GALNTL6: variants seen among roughly 807,000 people sequenced by gnomAD.
The protein encoded by GALNTL6 is polypeptide N-acetylgalactosaminyltransferase-like 6.
In GALNTL6, 46 loss-of-function variants were observed where a neutral mutation model predicts 73.7. That is an observed-to-expected ratio of 0.62 (90% CI 0.49 to 0.80). The LOEUF (loss-of-function observed/expected upper bound fraction) is 0.80, where lower values mean the gene tolerates loss of function less well. Among genes scored for constraint, GALNTL6 ranks in the 30% least tolerant of loss-of-function variants. GALNTL6 has a pLI of 0.00. For synonymous variants in GALNTL6, 259 were observed against 263.7 expected (o/e 0.98, Z 0.17); for missense variants, 604 against 755.0 (o/e 0.80, Z 2.34).
intron 12 of GALNTL6, among the ~76,000 whole-genome samples, chr4:173,034,373 A>G (rs1317104242): frequency 6.6e-6 from 1 of 152,130 alleles, no homozygotes; most frequent in Non-Finnish European, 1.5e-5. Context: ...GTCAATCCTT[A>G]GCACTGTACC....
intron 5 of GALNTL6, among the ~76,000 whole-genome samples, chr4:172,544,393 T>C (rs577111088): frequency 9.9e-5 from 15 of 152,266 alleles, no homozygotes; most frequent in African/African-American, 3.4e-4. Flanking sequence ...TCTTTGACTC[T>C]CCCAATCCAA....
At chr4:173,030,577 T>C (rs1753414332) in intron 12 of GALNTL6, among the ~76,000 whole-genome samples, 1 of 151,812 alleles carries the variant, frequency 6.6e-6, no homozygotes. Context: ...AAAATCAAAT[T>C]AGTGTTTGTT....
At chr4:171,906,045 A>G (rs1308962078) in intron 2 of GALNTL6, among the ~76,000 whole-genome samples, 1 of 152,160 alleles carries the variant, frequency 6.6e-6, no homozygotes, top group African/African-American at 2.4e-5. Context: ...AAAGCAGGAA[A>G]GATCTAAAAT....
At chr4:172,738,319 C>T (rs927820519) in intron 5 of GALNTL6, among the ~76,000 whole-genome samples, 2 of 152,160 alleles carry the variant, frequency 1.3e-5, no homozygotes, top group African/African-American at 4.8e-5. Context: ...CACTTCTCCG[C>T]ATCCCCAGAA....
At chr4:171,920,704 A>G (rs1737760175) in intron 2 of GALNTL6, among the ~76,000 whole-genome samples, 1 of 152,190 alleles carries the variant, frequency 6.6e-6, no homozygotes, top group African/African-American at 2.4e-5. Flanking sequence ...AATGATCGAT[A>G]CAAATACATA....
At chr4:172,417,676 T>A (rs541015718) in intron 5 of GALNTL6, among the ~76,000 whole-genome samples, 1 of 152,074 alleles carries the variant, frequency 6.6e-6, no homozygotes, top group Non-Finnish European at 1.5e-5. Context: ...AATTAAAATT[T>A]AAATTGAAAA....
At position 172,311,666 on chromosome 4, in the gene GALNTL6, C is replaced by G. The variant is rs758315763; in HGVS notation, c.300C>G (p.Asp100Glu). 1.9e-6 allele frequency: 3 copies of G among 1,612,010 alleles called. No homozygotes were observed. The highest frequency in any genetic ancestry group is 4.5e-5 in the East Asian group (2 of 44,798). Reference protein sequence around the residue: ...PYPLTEEDHDDSAYRENGFNI... With the variant: ...PYPLTEEDHDESAYRENGFNI... ...CCCTTACTGAAGAGGACCATGATGA[C>G]TCAGCTTACAGGGAAAATGGTTTTA... is the stretch of plus-strand genomic sequence containing the variant. Residue 100 changes from aspartate (D) to glutamate (E), a missense_variant, in exon 4 of 13, where the codon GAC becomes GAG. By Grantham distance (45) the Asp-to-Glu change is conservative. Coordinates refer to ENST00000506823, the MANE Select transcript of GALNTL6 (RefSeq NM_001034845.3).
rs564488253 is a variant in GALNTL6 at position 172,019,341 on chromosome 4, AT to A, written c.138+204630del. Among the ~76,000 whole-genome samples the A allele has an allele frequency of 6.2e-4, 94 of 152,088 alleles. 1 individual carries two copies. The highest frequency in any genetic ancestry group is 1.1e-3 in the Non-Finnish European group (76 of 67,958). On this transcript the variant is annotated intron_variant, in intron 2 of 12. Transcript: ENST00000506823. ...TGTCCATTTTAAAGAATCATGTTAGATTTTTTTCCATAGAGTGATTTGATCT... is the reference window on the plus strand; with the variant it reads ...TGTCCATTTTAAAGAATCATGTTAGATTTTTTCCATAGAGTGATTTGATCT...
intron 2 of GALNTL6, among the ~76,000 whole-genome samples, chr4:172,176,199 G>T (rs1392940487): frequency 6.6e-6 from 1 of 151,486 alleles, no homozygotes; most frequent in Admixed American, 6.6e-5. Flanking sequence ...AATTAGCCGG[G>T]CGAGGTGGCG....
intron 5 of GALNTL6, among the ~76,000 whole-genome samples, chr4:172,385,938 G>A (rs2111292969): frequency 6.6e-6 from 1 of 151,778 alleles, no homozygotes; most frequent in Non-Finnish European, 1.5e-5. Flanking sequence ...TTTTTCTAAA[G>A]ATTATAGTAG....
At position 172,894,587 on chromosome 4, in the gene GALNTL6, C is replaced by T. The variant is rs541449081; in HGVS notation, c.1041+11680C>T. 1.5e-3 allele frequency among the ~76,000 whole-genome samples: 225 copies of T among 152,178 alleles called. 1 individual carries two copies. The highest frequency in any genetic ancestry group is 2.3e-3 in the South Asian group (11 of 4,826). On this transcript the variant is annotated intron_variant, in intron 8 of 12. Coordinates refer to ENST00000506823, the MANE Select transcript of GALNTL6 (RefSeq NM_001034845.3). ...TTTTAATTTGTTGAGACTTGTTTTGCGGCCTAACATATAGTTTATTCTGGA... is the reference window on the plus strand; with the variant it reads ...TTTTAATTTGTTGAGACTTGTTTTGTGGCCTAACATATAGTTTATTCTGGA...
At chr4:173,036,425 G>A (rs543919063) in intron 12 of GALNTL6, among the ~76,000 whole-genome samples, 22 of 152,170 alleles carry the variant, frequency 1.4e-4, no homozygotes, top group African/African-American at 5.3e-4. Context: ...TCAAGTCCAC[G>A]GGCCTGCTAC....
chr4:172,941,841 G>A (rs949368063), intron 9 of GALNTL6, among the ~76,000 whole-genome samples: 3 of 152,206 alleles, frequency 2.0e-5, no homozygotes, highest in African/African-American at 7.2e-5. Context: ...CCACGTCTAA[G>A]CCATGGGAGC....
chr4:172,084,587 G>A (rs887628283), intron 2 of GALNTL6, among the ~76,000 whole-genome samples: 1 of 152,172 alleles, frequency 6.6e-6, no homozygotes, highest in Non-Finnish European at 1.5e-5. Flanking sequence ...AACTGTGGGT[G>A]AATTTATAAT....
intron 5 of GALNTL6, among the ~76,000 whole-genome samples, chr4:172,431,693 A>G (rs1731457288): frequency 6.6e-6 from 1 of 152,140 alleles, no homozygotes; most frequent in African/African-American, 2.4e-5. Flanking sequence ...ATTTCATAAC[A>G]TAATTTAAAA....
At chr4:172,044,504 G>C (rs376733422) in intron 2 of GALNTL6, among the ~76,000 whole-genome samples, 37 of 151,288 alleles carry the variant, frequency 2.4e-4, no homozygotes, top group African/African-American at 8.7e-4. Context: ...CTTTCACATA[G>C]AGAAAAATCA....
rs771397583 is a variant in GALNTL6, at chr4:172,592,666, G to GTCTATCTA, written c.554-216692_554-216691insATCTATCT. Among the ~76,000 whole-genome samples, 282 of 109,388 alleles carry GTCTATCTA rather than the reference G, an allele frequency of 2.6e-3. 1 individual carries two copies. The highest frequency in any genetic ancestry group is 9.7e-3 in the East Asian group (26 of 2,688). 71.8% of individuals were successfully genotyped at this position (109,388 alleles called of 152,430 possible). On this transcript the variant is annotated intron_variant, in intron 5 of 12. Transcript: ENST00000506823. ...TACTCAAATCTATATCTGTCTGTCTGTCTGTCTATCTATCTATCTATCTAT... is the reference window on the plus strand; with the variant it reads ...TACTCAAATCTATATCTGTCTGTCTGTCTATCTATCTGTCTATCTATCTATCTATCTAT...
At chr4:172,412,102 G>A (rs1353711088) in intron 5 of GALNTL6, among the ~76,000 whole-genome samples, 1 of 152,048 alleles carries the variant, frequency 6.6e-6, no homozygotes, top group Non-Finnish European at 1.5e-5. Context: ...GAGTGCAGTG[G>A]CACGATCACA....
chr4:172,802,354 C>T (rs879422908), intron 5 of GALNTL6, among the ~76,000 whole-genome samples: 7 of 151,906 alleles, frequency 4.6e-5, no homozygotes, highest in East Asian at 3.9e-4. Flanking sequence ...CCTTGAAGCA[C>T]GACAAGATAA....
Sources: gnomAD v4.1 joint callset for allele counts (sites outside exome capture counted in the v4.1 genomes callset) on GRCh38, gnomAD v4.1.1 for gene constraint, MANE v1.5 for transcripts, NCBI Gene and HGNC (gene_info 2026-07-23, HGNC 2026-07-21) for gene names.